SLC24A3: variants seen among roughly 807,000 people sequenced by gnomAD.
The protein encoded by SLC24A3 is solute carrier family 24 member 3.
A neutral mutation model predicts 75.8 loss-of-function variants in SLC24A3; 28 were observed. The ratio of observed to expected loss-of-function variants is 0.37; its 90% CI spans 0.27 to 0.51. The LOEUF (loss-of-function observed/expected upper bound fraction) is 0.51, where lower values mean the gene tolerates loss of function less well. Among genes scored for constraint, SLC24A3 ranks in the 20% least tolerant of loss-of-function variants. SLC24A3 has a pLI of 0.94. For missense variants in SLC24A3, 663 were observed against 847.8 expected, an observed-to-expected ratio of 0.78 and a Z score of 2.71; for synonymous variants, 372 against 334.1, an observed-to-expected ratio of 1.11 and a Z score of -1.24.
At chr20:19,710,837 A>G (rs1053826327) in intron 15 of SLC24A3, among the ~76,000 whole-genome samples, 2 of 152,258 alleles carry the variant, frequency 1.3e-5, no homozygotes, top group African/African-American at 4.8e-5. Flanking sequence ...AAACTCATCC[A>G]GTAGTAAGAA....
intron 2 of SLC24A3, among the ~76,000 whole-genome samples, chr20:19,434,288 C>G (rs951498931): frequency 6.6e-6 from 1 of 152,180 alleles, no homozygotes; most frequent in Non-Finnish European, 1.5e-5. Context: ...TCCATCAGCC[C>G]CTTTTGATCA....
chr20:19,633,734 A>G (rs1191643587), intron 6 of SLC24A3, among the ~76,000 whole-genome samples: 1 of 151,612 alleles, frequency 6.6e-6, no homozygotes, highest in Non-Finnish European at 1.5e-5. Flanking sequence ...TTCCCTCTTT[A>G]AAGACTCTAT....
At chr20:19,700,173 A>G (rs1474134393) in intron 15 of SLC24A3, among the ~76,000 whole-genome samples, 2 of 152,174 alleles carry the variant, frequency 1.3e-5, no homozygotes, top group Non-Finnish European at 2.9e-5. Context: ...TAGCTACTGT[A>G]TTACCAAAAA....
At chr20:19,631,170 A>G (rs1356691915) in intron 6 of SLC24A3, among the ~76,000 whole-genome samples, 3 of 152,074 alleles carry the variant, frequency 2.0e-5, no homozygotes, top group African/African-American at 7.2e-5. Context: ...ATGGTGAAAC[A>G]CTGTCTACAA....
chr20:19,441,710 G>A (rs1987302107), intron 2 of SLC24A3, among the ~76,000 whole-genome samples: 1 of 152,012 alleles, frequency 6.6e-6, no homozygotes. Flanking sequence ...TCATATTAGG[G>A]TTTATTCTTG....
At chr20:19,491,169 C>T (rs544109081) in intron 2 of SLC24A3, among the ~76,000 whole-genome samples, 35 of 152,250 alleles carry the variant, frequency 2.3e-4, no homozygotes, top group African/African-American at 7.7e-4. Context: ...GGGATAGCAG[C>T]ACCAACCTTC....
intron 2 of SLC24A3, among the ~76,000 whole-genome samples, chr20:19,343,369 G>T (rs372363284): frequency 6.6e-6 from 1 of 152,170 alleles, no homozygotes; most frequent in Non-Finnish European, 1.5e-5. Flanking sequence ...GTGTTTTCAT[G>T]TGTAATATGT....
chr20:19,349,929 T>C (rs1985527691), intron 2 of SLC24A3, among the ~76,000 whole-genome samples: 1 of 152,194 alleles, frequency 6.6e-6, no homozygotes, highest in Non-Finnish European at 1.5e-5. Context: ...GTTTCTAAGC[T>C]TCAGATGAAA....
At chr20:19,661,807 C>A (rs1041388062) in intron 7 of SLC24A3, among the ~76,000 whole-genome samples, 1 of 152,044 alleles carries the variant, frequency 6.6e-6, no homozygotes. Context: ...CCCGCGTATA[C>A]TAGGGGCTCC....
intron 3 of SLC24A3, among the ~76,000 whole-genome samples, chr20:19,537,468 G>T (rs957602345): frequency 6.6e-6 from 1 of 152,192 alleles, no homozygotes; most frequent in African/African-American, 2.4e-5. Context: ...AGTCAGTGTG[G>T]CGATTCCTCA....
intron 6 of SLC24A3, among the ~76,000 whole-genome samples, chr20:19,608,814 A>G (rs749046858): frequency 5.9e-5 from 9 of 152,052 alleles, no homozygotes; most frequent in Non-Finnish European, 1.2e-4. Context: ...CGCTTTAAAA[A>G]CCTAGGCCCC....
intron 2 of SLC24A3, among the ~76,000 whole-genome samples, chr20:19,405,432 G>A (rs996521662): frequency 6.6e-6 from 1 of 152,152 alleles, no homozygotes; most frequent in East Asian, 1.9e-4. Flanking sequence ...ACAAAATGTT[G>A]GTGCGCCTTC....
intron 6 of SLC24A3, among the ~76,000 whole-genome samples, chr20:19,603,748 C>A (rs544453441): frequency 6.6e-6 from 1 of 152,200 alleles, no homozygotes; most frequent in Admixed American, 6.5e-5. Context: ...CTGTTGCTGG[C>A]CTTGGAGCCA....
chr20:19,505,637 AC>A, intron 2 of SLC24A3, among the ~76,000 whole-genome samples: 1 of 152,114 alleles, frequency 6.6e-6, no homozygotes, highest in Non-Finnish European at 1.5e-5. Flanking sequence ...TGTGCTGGGA[AC>A]CCTTAACAGT....
intron 3 of SLC24A3, among the ~76,000 whole-genome samples, chr20:19,552,239 TCC>T (rs1420551342): frequency 6.6e-6 from 1 of 152,146 alleles, no homozygotes; most frequent in Admixed American, 6.5e-5. Context: ...AGACTCTCTC[TCC>T]AGCAGAGGCA....
intron 1 of SLC24A3, among the ~76,000 whole-genome samples, chr20:19,217,062 C>G (rs952863655): frequency 6.6e-6 from 1 of 152,220 alleles, no homozygotes; most frequent in African/African-American, 2.4e-5. Context: ...TTATGTGGCT[C>G]ACTTTGAACT....
At chr20:19,493,600 T>C (rs1005459710) in intron 2 of SLC24A3, among the ~76,000 whole-genome samples, 1 of 152,210 alleles carries the variant, frequency 6.6e-6, no homozygotes, top group Non-Finnish European at 1.5e-5. Flanking sequence ...CCTGAAAATG[T>C]GAAGCAGTCA....
At chr20:19,550,284 C>T (rs886093260) in intron 3 of SLC24A3, among the ~76,000 whole-genome samples, 5 of 151,906 alleles carry the variant, frequency 3.3e-5, no homozygotes, top group Admixed American at 6.5e-5. Flanking sequence ...TAAAAGGCAA[C>T]AGATTAAAAA....
chr20:19,713,304 A>T (rs1329966618), intron 15 of SLC24A3, among the ~76,000 whole-genome samples: 2 of 152,240 alleles, frequency 1.3e-5, no homozygotes, highest in Non-Finnish European at 2.9e-5. Context: ...GAAAACTTCC[A>T]TAGCAGCATG....
Sources: allele counts gnomAD v4.1 joint callset (sites outside exome capture counted in the v4.1 genomes callset), GRCh38; gene constraint gnomAD v4.1.1; transcripts MANE v1.5; gene names NCBI Gene and HGNC (gene_info 2026-07-23, HGNC 2026-07-21).